The following TENM2 variants were observed in gnomAD, a reference collection of about 807,000 sequenced individuals.
TENM2 encodes teneurin-2.
Under a neutral mutation model 245.2 loss-of-function variants are expected in TENM2, and 52 were observed. The ratio of observed to expected loss-of-function variants is 0.21; its 90% CI spans 0.17 to 0.27. The LOEUF is 0.27. Ranked by LOEUF, TENM2 falls within the 10% of genes least tolerant of loss-of-function variation. TENM2 has a pLI of 1.00. For synonymous variants in TENM2, 1,363 were observed against 1,438.9 expected (o/e 0.95, Z 1.19); for missense variants, 3,046 against 3,666.8 (o/e 0.83, Z 4.37).
chr5:167,109,277 A>T, the TENM2 span, among the ~76,000 whole-genome samples: 1 of 151,460 alleles, frequency 6.6e-6, no homozygotes, highest in Non-Finnish European at 1.5e-5. Context: ...AGAACTAATT[A>T]TAACTGAGCA....
At chr5:167,634,601 A>G (rs1028311343) in intron 2 of TENM2, among the ~76,000 whole-genome samples, 13 of 152,012 alleles carry the variant, frequency 8.6e-5, no homozygotes, top group Admixed American at 2.0e-4. Context: ...TCATAGTCCA[A>G]TGTTCTCTCT....
At chr5:167,671,227 T>C (rs777654084) in intron 2 of TENM2, among the ~76,000 whole-genome samples, 2 of 152,164 alleles carry the variant, frequency 1.3e-5, no homozygotes, top group Non-Finnish European at 2.9e-5. Flanking sequence ...GAAGTTTATG[T>C]TGAGACTATT....
chr5:167,338,738 CAG>C (rs1757924180), intron 1 of TENM2, among the ~76,000 whole-genome samples: 2 of 152,164 alleles, frequency 1.3e-5, no homozygotes, highest in Admixed American at 6.5e-5. Flanking sequence ...GCTTAAATAA[CAG>C]AAATTTATTT....
Position 168,238,253 on chromosome 5 carries a change from A to AG in TENM2, c.5521-6166dup, listed in dbSNP as rs1212342548. Among the ~76,000 whole-genome samples, 129 of 146,932 alleles carry AG rather than the reference A, an allele frequency of 8.8e-4. 14 individuals carry two copies. The highest frequency in any genetic ancestry group is 3.2e-3 in the African/African-American group (126 of 39,044). ...AGAAAAGAAAAGAAAAGAAAAGAAA[A>AG]GAAAAGAAAAGAAAAGAAAAGAAAA... is the stretch of plus-strand genomic sequence containing the variant. On this transcript the variant is annotated intron_variant, in intron 25 of 28. Transcript: ENST00000518659.
chr5:167,705,169 TA>T (rs928577542), intron 2 of TENM2, among the ~76,000 whole-genome samples: 4 of 152,190 alleles, frequency 2.6e-5, no homozygotes, highest in Non-Finnish European at 4.4e-5. Flanking sequence ...GGTAAATATC[TA>T]AAGGGAAAAC....
At position 168,238,221 on chromosome 5, in the gene TENM2, GA is replaced by G. The variant is rs1418191846; in HGVS notation, c.5521-6197del. Among the ~76,000 whole-genome samples the G allele has an allele frequency of 4.6e-3, 112 of 24,370 alleles. 17 individuals carry two copies. The highest frequency in any genetic ancestry group is 0.015 in the African/African-American group (110 of 7,286). The allele number at this position is 24,370 out of a possible 152,430, so 16.0% of individuals were successfully genotyped here. On this transcript the variant is annotated intron_variant, in intron 25 of 28. Transcript: ENST00000518659. ...AGGGAGGGAGGGAGGGAGGGAGAGA[GA>G]AGAAAAGAAAAGAAAAGAAAAGAAA... is the stretch of plus-strand genomic sequence containing the variant.
At chr5:167,091,385 T>C in the TENM2 span, among the ~76,000 whole-genome samples, 9 of 152,192 alleles carry the variant, frequency 5.9e-5, no homozygotes, top group Admixed American at 2.0e-4. Context: ...GCTTTTATTC[T>C]AGCATGTTGT....
At chr5:167,149,010 A>T in the TENM2 span, among the ~76,000 whole-genome samples, 1 of 152,184 alleles carries the variant, frequency 6.6e-6, no homozygotes, top group Non-Finnish European at 1.5e-5. Context: ...TTTAAAAAGA[A>T]AAAATGAATA....
intron 2 of TENM2, among the ~76,000 whole-genome samples, chr5:167,583,245 T>C (rs1775220779): frequency 6.6e-6 from 1 of 152,144 alleles, no homozygotes; most frequent in South Asian, 2.1e-4. Context: ...GAACTTAATA[T>C]GCCTTGCACA....
the TENM2 span, among the ~76,000 whole-genome samples, chr5:167,027,243 G>T: frequency 6.6e-6 from 1 of 152,136 alleles, no homozygotes; most frequent in Admixed American, 6.5e-5. Context: ...TTGAAGTTTT[G>T]AGAGTTACTT....
chr5:167,737,197 A>G (rs1441777217), intron 2 of TENM2, among the ~76,000 whole-genome samples: 2 of 152,172 alleles, frequency 1.3e-5, no homozygotes, highest in African/African-American at 4.8e-5. Flanking sequence ...GGACGAGCCT[A>G]AAGTGATCAT....
intron 2 of TENM2, among the ~76,000 whole-genome samples, chr5:167,795,046 G>A (rs548012284): frequency 1.3e-5 from 2 of 152,274 alleles, no homozygotes; most frequent in East Asian, 3.9e-4. Context: ...AATCAGGAAT[G>A]AGTGATACTA....
the TENM2 span, among the ~76,000 whole-genome samples, chr5:167,129,196 G>T: frequency 4.6e-5 from 7 of 152,158 alleles, no homozygotes; most frequent in Non-Finnish European, 1.0e-4. Flanking sequence ...GAACTTAGGA[G>T]ACTCTTGGGA....
At chr5:167,201,850 C>T in the TENM2 span, among the ~76,000 whole-genome samples, 1 of 152,016 alleles carries the variant, frequency 6.6e-6, no homozygotes, top group African/African-American at 2.4e-5. Flanking sequence ...GATGCAGTTT[C>T]CTTTCTCTCT....
At chr5:168,101,024 G>T (rs1793773215) in intron 9 of TENM2, among the ~76,000 whole-genome samples, 1 of 152,042 alleles carries the variant, frequency 6.6e-6, no homozygotes, top group Admixed American at 6.5e-5. Flanking sequence ...GCCAGGCTTA[G>T]TGCACTCTGT....
At chr5:167,239,157 T>A in the TENM2 span, among the ~76,000 whole-genome samples, 1 of 152,226 alleles carries the variant, frequency 6.6e-6, no homozygotes, top group Non-Finnish European at 1.5e-5. Context: ...GAGTGCCTTG[T>A]CATGTTCATT....
At chr5:167,640,222 G>A (rs948773528) in intron 2 of TENM2, among the ~76,000 whole-genome samples, 6 of 152,096 alleles carry the variant, frequency 3.9e-5, no homozygotes, top group Non-Finnish European at 5.9e-5. Context: ...TAACCTCCCC[G>A]GACTTTGGTT....
the TENM2 span, among the ~76,000 whole-genome samples, chr5:167,027,046 A>G: frequency 2.6e-5 from 4 of 152,304 alleles, no homozygotes; most frequent in African/African-American, 9.6e-5. Context: ...ACCCCAGAAT[A>G]GGAATGTATA....
At chr5:167,823,823 C>A (rs1256777553) in intron 2 of TENM2, among the ~76,000 whole-genome samples, 2 of 152,078 alleles carry the variant, frequency 1.3e-5, no homozygotes, top group Admixed American at 6.5e-5. Context: ...TTTTCTAATT[C>A]TCCTGTATGT....
Sources: gnomAD v4.1 joint callset for allele counts (sites outside exome capture counted in the v4.1 genomes callset) on GRCh38, gnomAD v4.1.1 for gene constraint, MANE v1.5 for transcripts, NCBI Gene and HGNC (gene_info 2026-07-23, HGNC 2026-07-21) for gene names.